The following ARHGAP15 variants were observed in gnomAD, a reference collection of about 807,000 sequenced individuals.
The protein encoded by ARHGAP15 is Rho GTPase activating protein 15.
ARHGAP15 carries 51 observed loss-of-function variants against 63.7 expected under a neutral mutation model. The ratio of observed to expected loss-of-function variants is 0.80; its 90% CI spans 0.64 to 1.01. ARHGAP15 has a LOEUF of 1.01. Among genes scored for constraint, ARHGAP15 ranks in the 50% least tolerant of loss-of-function variants. The pLI is 0.00. For missense variants in ARHGAP15, 560 were observed against 564.6 expected, an observed-to-expected ratio of 0.99 and a Z score of 0.08; for synonymous variants, 191 against 193.8, an observed-to-expected ratio of 0.99 and a Z score of 0.12.
intron 3 of ARHGAP15, among the ~76,000 whole-genome samples, chr2:143,212,027 T>G (rs991474134): frequency 1.3e-5 from 2 of 152,234 alleles, no homozygotes; most frequent in Admixed American, 6.5e-5. Context: ...AGATTAAGTT[T>G]ATTTCCATTT....
chr2:143,754,404 CCCTTTT>C (rs1400588116), intron 13 of ARHGAP15, among the ~76,000 whole-genome samples: 1 of 152,120 alleles, frequency 6.6e-6, no homozygotes, highest in Non-Finnish European at 1.5e-5. Context: ...GGTCTTCATT[CCCTTTT>C]CATTTGCAGT....
chr2:143,747,056 C>G (rs756508202), intron 13 of ARHGAP15, among the ~76,000 whole-genome samples: 1 of 151,680 alleles, frequency 6.6e-6, no homozygotes, highest in Non-Finnish European at 1.5e-5. Context: ...AAAAACTGAT[C>G]AGAATCACCA....
intron 12 of ARHGAP15, among the ~76,000 whole-genome samples, chr2:143,625,834 C>T (rs1698813665): frequency 6.6e-6 from 1 of 152,182 alleles, no homozygotes; most frequent in African/African-American, 2.4e-5. Context: ...ATCATCTCCA[C>T]ACATTCAAGT....
In ARHGAP15 at chr2:143,759,346, A is replaced by C. The variant is rs148320015; in HGVS notation, c.1245-8643A>C. Among the ~76,000 whole-genome samples the C allele has an allele frequency of 2.2e-3, 329 of 152,296 alleles. 4 individuals are homozygous for C. Among genetic ancestry groups the C allele is most frequent in the African/African-American group, 7.5e-3 (311 of 41,582 alleles). ...TGGCACAATTCATTCTCTTCCATAT[A>C]AGGTAATGATGAAGTGATATATATT... On this transcript the variant is annotated intron_variant, in intron 13 of 13. Coordinates refer to ENST00000295095, the MANE Select transcript of ARHGAP15 (RefSeq NM_018460.4).
intron 6 of ARHGAP15, among the ~76,000 whole-genome samples, chr2:143,252,201 G>T (rs889597311): frequency 1.3e-4 from 20 of 151,936 alleles, no homozygotes; most frequent in African/African-American, 4.6e-4. Context: ...AAATGAGGAT[G>T]ACAGTCAGCT....
At chr2:143,452,725 G>A (rs1004376222) in intron 8 of ARHGAP15, among the ~76,000 whole-genome samples, 2 of 150,226 alleles carry the variant, frequency 1.3e-5, no homozygotes, top group African/African-American at 4.9e-5. Context: ...GATCATGGGA[G>A]AGTAGGAGGG....
intron 10 of ARHGAP15, among the ~76,000 whole-genome samples, chr2:143,547,860 T>C (rs1559043859): frequency 6.6e-6 from 1 of 152,092 alleles, no homozygotes; most frequent in East Asian, 1.9e-4. Flanking sequence ...GAATACCTGA[T>C]AATAGTAAAA....
chr2:143,251,948 T>A (rs1288258892), intron 6 of ARHGAP15, among the ~76,000 whole-genome samples: 1 of 152,066 alleles, frequency 6.6e-6, no homozygotes, highest in Non-Finnish European at 1.5e-5. Context: ...GTTTAGAGGT[T>A]ATAATTCTAG....
intron 8 of ARHGAP15, among the ~76,000 whole-genome samples, chr2:143,477,474 A>G (rs182113461): frequency 7.9e-5 from 12 of 152,244 alleles, no homozygotes; most frequent in African/African-American, 2.9e-4. Context: ...TTAACTACAT[A>G]TGTATTATAC....
chr2:143,442,158 T>G (rs1689912550), intron 8 of ARHGAP15, among the ~76,000 whole-genome samples: 1 of 152,164 alleles, frequency 6.6e-6, no homozygotes, highest in African/African-American at 2.4e-5. Flanking sequence ...AACATTAATT[T>G]TTTGTACTAA....
intron 6 of ARHGAP15, among the ~76,000 whole-genome samples, chr2:143,356,169 A>C (rs1685802483): frequency 6.6e-6 from 1 of 152,148 alleles, no homozygotes; most frequent in African/African-American, 2.4e-5. Context: ...AACCTTTTGC[A>C]TGTACCTGGG....
chr2:143,552,547 C>T (rs1315250017), intron 10 of ARHGAP15, among the ~76,000 whole-genome samples: 1 of 141,964 alleles, frequency 7.0e-6, no homozygotes, highest in Non-Finnish European at 1.5e-5. Context: ...TAAGCTTCTT[C>T]AGGAGAAAAA....
chr2:143,561,073 T>A (rs1696000357), intron 11 of ARHGAP15, among the ~76,000 whole-genome samples: 1 of 152,186 alleles, frequency 6.6e-6, no homozygotes, highest in Non-Finnish European at 1.5e-5. Context: ...GCATGGGGGG[T>A]ACTTTGCAAA....
chr2:143,663,464 C>A (rs1681949314), intron 12 of ARHGAP15, among the ~76,000 whole-genome samples: 1 of 143,288 alleles, frequency 7.0e-6, no homozygotes. Context: ...CAAAATCATG[C>A]CAAAATGTAA....
intron 13 of ARHGAP15, among the ~76,000 whole-genome samples, chr2:143,730,892 TAAAAAAAAA>T (rs1158246680): frequency 0.019 from 1,610 of 83,970 alleles, 19 homozygotes; most frequent in Non-Finnish European, 0.028. Flanking sequence ...AGCACTCCTT[TAAAAAAAAA>T]AAAAAAAAAA....
chr2:143,215,505 A>G (rs1165304852), intron 3 of ARHGAP15, among the ~76,000 whole-genome samples: 2 of 152,132 alleles, frequency 1.3e-5, no homozygotes, highest in African/African-American at 2.4e-5. Context: ...ATAACATGGG[A>G]TGGCACTGAG....
intron 13 of ARHGAP15, among the ~76,000 whole-genome samples, chr2:143,740,769 C>A (rs1057404141): frequency 6.6e-6 from 1 of 152,126 alleles, no homozygotes; most frequent in Admixed American, 6.5e-5. Context: ...CAATGAAATT[C>A]TCTCAGGAAA....
chr2:143,306,160 C>T (rs1364204517), intron 6 of ARHGAP15, among the ~76,000 whole-genome samples: 2 of 152,088 alleles, frequency 1.3e-5, no homozygotes, highest in Non-Finnish European at 2.9e-5. Flanking sequence ...GGATATGGCA[C>T]ATCTCTTCAA....
intron 10 of ARHGAP15, among the ~76,000 whole-genome samples, chr2:143,520,466 G>A (rs909439173): frequency 1.3e-5 from 2 of 152,050 alleles, no homozygotes; most frequent in Admixed American, 6.6e-5. Flanking sequence ...AGGGAATGTG[G>A]ATAAAGAGAA....
Sources: gnomAD v4.1 joint callset for allele counts (sites outside exome capture counted in the v4.1 genomes callset) on GRCh38, gnomAD v4.1.1 for gene constraint, MANE v1.5 for transcripts, NCBI Gene and HGNC (gene_info 2026-07-23, HGNC 2026-07-21) for gene names.